Variants in MAF observed in about 807,000 individuals in gnomAD.
MAF encodes the protein MAF bZIP transcription factor.
A neutral mutation model predicts 22.0 loss-of-function variants in MAF; 10 were observed. That is an observed-to-expected ratio of 0.45 (90% confidence interval 0.28 to 0.77). The LOEUF (loss-of-function observed/expected upper bound fraction) is 0.77. MAF is among the 30% of genes least tolerant of loss of function. The probability of loss-of-function intolerance (pLI) is 0.12; values close to 1 mark genes in which losing one functional copy is unlikely to be tolerated. For synonymous variants in MAF, 337 were observed against 255.8 expected, an observed-to-expected ratio of 1.32 and a Z score of -3.03; for missense variants, 544 against 548.4, an observed-to-expected ratio of 0.99 and a Z score of 0.08.
At chr16:79,244,997 GA>G in the MAF span, among the ~76,000 whole-genome samples, 1 of 152,016 alleles carries the variant, frequency 6.6e-6, no homozygotes, top group Non-Finnish European at 1.5e-5. Context: ...ACGGTGTTGG[GA>G]AAACTGGCTA....
chr16:79,388,156 A>G, the MAF span, among the ~76,000 whole-genome samples: 1 of 152,226 alleles, frequency 6.6e-6, no homozygotes, highest in Non-Finnish European at 1.5e-5. Flanking sequence ...TGTATGAAGA[A>G]TTAAAATAAA....
chr16:79,558,532 G>C, the MAF span, among the ~76,000 whole-genome samples: 31 of 152,276 alleles, frequency 2.0e-4, no homozygotes, highest in East Asian at 5.8e-3. Flanking sequence ...TCTCACTTAA[G>C]AGAGAAGGGA....
the MAF span, among the ~76,000 whole-genome samples, chr16:79,251,850 A>G: frequency 2.0e-5 from 3 of 152,208 alleles, no homozygotes; most frequent in African/African-American, 7.2e-5. Context: ...TGATAATTTA[A>G]AAAAAATTTT....
At chr16:79,498,050 G>A in the MAF span, among the ~76,000 whole-genome samples, 3 of 152,196 alleles carry the variant, frequency 2.0e-5, no homozygotes, top group African/African-American at 7.2e-5. Flanking sequence ...ATTCCCTCCT[G>A]CCCTTGCACC....
At chr16:79,399,436 A>C in the MAF span, among the ~76,000 whole-genome samples, 1 of 152,238 alleles carries the variant, frequency 6.6e-6, no homozygotes, top group Non-Finnish European at 1.5e-5. Context: ...TATTCTTCAA[A>C]TTGACTGCAA....
At chr16:79,371,987 T>C in the MAF span, among the ~76,000 whole-genome samples, 1 of 151,702 alleles carries the variant, frequency 6.6e-6, no homozygotes, top group Non-Finnish European at 1.5e-5. Flanking sequence ...AAAAAGAAAA[T>C]GAGATTGCAC....
the MAF span, among the ~76,000 whole-genome samples, chr16:79,296,451 A>C: frequency 3.3e-5 from 5 of 152,298 alleles, no homozygotes; most frequent in African/African-American, 1.2e-4. Flanking sequence ...TGATAAGTGC[A>C]GCAAACTACC....
At chr16:79,250,349 A>G in the MAF span, among the ~76,000 whole-genome samples, 2 of 152,254 alleles carry the variant, frequency 1.3e-5, no homozygotes, top group Admixed American at 1.3e-4. Context: ...CAATCTGCAG[A>G]GAGCAAGAAG....
chr16:79,253,089 C>T, the MAF span, among the ~76,000 whole-genome samples: 1 of 152,144 alleles, frequency 6.6e-6, no homozygotes, highest in African/African-American at 2.4e-5. Flanking sequence ...TCACCCTCAC[C>T]TATAATTACC....
chr16:79,575,652 A>T, the MAF span, among the ~76,000 whole-genome samples: 1 of 152,246 alleles, frequency 6.6e-6, no homozygotes, highest in Non-Finnish European at 1.5e-5. Context: ...TTCTGGAGGT[A>T]GAACAAAGCA....
the MAF span, among the ~76,000 whole-genome samples, chr16:79,540,381 G>A: frequency 6.6e-6 from 1 of 152,202 alleles, no homozygotes; most frequent in South Asian, 2.1e-4. Flanking sequence ...GAAGAACCAT[G>A]AGAACCAAAC....
chr16:79,510,294 T>C, the MAF span, among the ~76,000 whole-genome samples: 1 of 152,204 alleles, frequency 6.6e-6, no homozygotes, highest in African/African-American at 2.4e-5. Context: ...ATTGCTCTCA[T>C]TTGGAAAATG....
At chr16:79,456,038 AT>A in the MAF span, among the ~76,000 whole-genome samples, 9 of 152,328 alleles carry the variant, frequency 5.9e-5, no homozygotes, top group South Asian at 4.1e-4. Context: ...TATTAAAAAA[AT>A]AAATAAAAAC....
chr16:79,304,210 C>T, the MAF span, among the ~76,000 whole-genome samples: 1 of 152,170 alleles, frequency 6.6e-6, no homozygotes, highest in Non-Finnish European at 1.5e-5. Context: ...CCTGTCGCAC[C>T]CTGGCAGAAT....
the MAF span, among the ~76,000 whole-genome samples, chr16:79,313,422 G>T: frequency 1.3e-5 from 2 of 152,232 alleles, no homozygotes; most frequent in South Asian, 4.2e-4. Flanking sequence ...TCATGACCAG[G>T]TCCATGATGT....
At chr16:79,395,293 C>T in the MAF span, among the ~76,000 whole-genome samples, 1 of 152,154 alleles carries the variant, frequency 6.6e-6, no homozygotes, top group Non-Finnish European at 1.5e-5. Flanking sequence ...GGTGGGGTGA[C>T]ACAATCCAAA....
chr16:79,570,837 G>C, the MAF span, among the ~76,000 whole-genome samples: 2 of 152,200 alleles, frequency 1.3e-5, no homozygotes, highest in African/African-American at 4.8e-5. Flanking sequence ...CATTTACTGG[G>C]AATATGTTCT....
chr16:79,363,465 T>C, the MAF span, among the ~76,000 whole-genome samples: 3 of 152,232 alleles, frequency 2.0e-5, no homozygotes, highest in Non-Finnish European at 4.4e-5. Flanking sequence ...TTGTATAATA[T>C]GTTGTTTAAT....
the MAF span, among the ~76,000 whole-genome samples, chr16:79,327,745 A>T: frequency 6.6e-6 from 1 of 152,158 alleles, no homozygotes; most frequent in Admixed American, 6.5e-5. Flanking sequence ...TGACCGCTTT[A>T]TCTCTTTTAA....
Sources: gnomAD v4.1 joint callset for allele counts (sites outside exome capture counted in the v4.1 genomes callset) on GRCh38, gnomAD v4.1.1 for gene constraint, MANE v1.5 for transcripts, NCBI Gene and HGNC (gene_info 2026-07-23, HGNC 2026-07-21) for gene names.